The following IMMP2L variants were observed in gnomAD, a reference collection of about 807,000 sequenced individuals.
The protein encoded by IMMP2L is mitochondrial inner membrane protease subunit 2.
In IMMP2L, 18 loss-of-function variants were observed where a neutral mutation model predicts 19.3. The observed-to-expected ratio is 0.93, with a 90% CI of 0.64 to 1.38. The LOEUF is 1.38. IMMP2L is among the 40% of genes most tolerant of loss of function. The probability of loss-of-function intolerance (pLI) is 0.00; values close to 1 mark genes in which losing one functional copy is unlikely to be tolerated. For synonymous variants in IMMP2L, 76 were observed against 73.0 expected (o/e 1.04, Z -0.21); for missense variants, 233 against 218.2 (o/e 1.07, Z -0.43).
chr7:111,295,002 T>C (rs1821475629), intron 3 of IMMP2L, among the ~76,000 whole-genome samples: 1 of 151,840 alleles, frequency 6.6e-6, no homozygotes, highest in Non-Finnish European at 1.5e-5. Flanking sequence ...GCAGCCCTTA[T>C]GACTTGAAAC....
chr7:110,883,673 A>T (rs1809922560), intron 5 of IMMP2L, among the ~76,000 whole-genome samples: 1 of 152,154 alleles, frequency 6.6e-6, no homozygotes, highest in African/African-American at 2.4e-5. Flanking sequence ...TTTGCCTTGA[A>T]ATGTATAAGC....
intron 3 of IMMP2L, among the ~76,000 whole-genome samples, chr7:111,464,896 C>G (rs13246668): frequency 0.016 from 2,467 of 152,218 alleles, 66 homozygotes; most frequent in African/African-American, 0.056. Flanking sequence ...TCACGCCATT[C>G]TCTCGCCTCA....
At position 111,116,728 on chromosome 7, in the gene IMMP2L, T is replaced by C. The variant is rs77174642; in HGVS notation, c.240-153163A>G. On this transcript the variant is annotated intron_variant, in intron 3 of 5. Transcript: ENST00000405709. The stretch of plus-strand genomic sequence containing the variant: ...TTCCTTCCACAATACTCAACTGCCT[T>C]ATAATTTCATCTGAGTGAAACTTTA... Among the ~76,000 whole-genome samples the C allele has an allele frequency of 3.9e-3, 593 of 152,282 alleles. 6 individuals carry two copies. The highest frequency in any genetic ancestry group is 0.014 in the African/African-American group (575 of 41,566).
intron 1 of IMMP2L, among the ~76,000 whole-genome samples, chr7:111,525,575 A>T (rs1309524449): frequency 6.6e-6 from 1 of 152,104 alleles, no homozygotes; most frequent in Non-Finnish European, 1.5e-5. Flanking sequence ...GAGTAGCATG[A>T]TAGTGGAGAT....
intron 3 of IMMP2L, among the ~76,000 whole-genome samples, chr7:111,000,141 GA>G (rs1823508421): frequency 6.6e-6 from 1 of 152,142 alleles, no homozygotes; most frequent in African/African-American, 2.4e-5. Flanking sequence ...TCTGGGAACA[GA>G]AATTGGGGAG....
chr7:111,438,535 T>C (rs1837414989), intron 3 of IMMP2L, among the ~76,000 whole-genome samples: 1 of 151,896 alleles, frequency 6.6e-6, no homozygotes, highest in African/African-American at 2.4e-5. Flanking sequence ...GCTAGAACTG[T>C]TTCCTGGGAA....
intron 3 of IMMP2L, among the ~76,000 whole-genome samples, chr7:111,136,829 C>A (rs1305951319): frequency 6.6e-6 from 1 of 152,142 alleles, no homozygotes; most frequent in African/African-American, 2.4e-5. Context: ...ACTCATTTAA[C>A]CTCTATGAGA....
At chr7:111,264,183 A>G (rs1817603965) in intron 3 of IMMP2L, among the ~76,000 whole-genome samples, 4 of 152,156 alleles carry the variant, frequency 2.6e-5, no homozygotes, top group Admixed American at 2.0e-4. Context: ...ATCAGGGGGA[A>G]AAGTCTCACA....
At chr7:110,745,314 T>C (rs368218813) in intron 5 of IMMP2L, among the ~76,000 whole-genome samples, 3 of 152,186 alleles carry the variant, frequency 2.0e-5, no homozygotes, top group Non-Finnish European at 1.5e-5. Flanking sequence ...TGGAACCAAG[T>C]TGGAAAACAC....
intron 4 of IMMP2L, among the ~76,000 whole-genome samples, chr7:110,949,838 T>C (rs1817613081): frequency 6.6e-6 from 1 of 152,156 alleles, no homozygotes; most frequent in Admixed American, 6.6e-5. Context: ...GTAGATAGCA[T>C]TTGAGTACTT....
intron 3 of IMMP2L, among the ~76,000 whole-genome samples, chr7:111,130,528 T>C (rs1037054857): frequency 3.3e-5 from 5 of 152,146 alleles, no homozygotes; most frequent in Non-Finnish European, 7.4e-5. Context: ...AGTTATTGAT[T>C]CAAAATCCAA....
chr7:111,140,484 T>C (rs1802769603), intron 3 of IMMP2L, among the ~76,000 whole-genome samples: 2 of 152,208 alleles, frequency 1.3e-5, no homozygotes, highest in African/African-American at 2.4e-5. Flanking sequence ...TTCAATGTAA[T>C]AGCTGGGTGC....
At chr7:111,338,149 G>T (rs1826640994) in intron 3 of IMMP2L, among the ~76,000 whole-genome samples, 1 of 152,128 alleles carries the variant, frequency 6.6e-6, no homozygotes, top group Non-Finnish European at 1.5e-5. Context: ...AGAAGAGAAA[G>T]TTCTGCAGTC....
intron 1 of IMMP2L, among the ~76,000 whole-genome samples, chr7:111,544,563 A>G (rs1848752299): frequency 6.6e-6 from 1 of 152,128 alleles, no homozygotes; most frequent in Non-Finnish European, 1.5e-5. Context: ...AACAAGGCCC[A>G]ATGAATTTAT....
At chr7:111,325,945 G>A (rs1378859863) in intron 3 of IMMP2L, among the ~76,000 whole-genome samples, 1 of 151,642 alleles carries the variant, frequency 6.6e-6, no homozygotes, top group East Asian at 1.9e-4. Context: ...AAATTATAAT[G>A]TAGTTTTGCC....
chr7:111,299,622 CAA>C (rs1328953047), intron 3 of IMMP2L, among the ~76,000 whole-genome samples: 2 of 146,354 alleles, frequency 1.4e-5, no homozygotes, highest in African/African-American at 2.5e-5. Context: ...AAAAAGGACA[CAA>C]AGTGGATCTT....
chr7:110,676,617 A>C (rs1317873330), intron 5 of IMMP2L, among the ~76,000 whole-genome samples: 2 of 152,222 alleles, frequency 1.3e-5, no homozygotes, highest in Non-Finnish European at 2.9e-5. Flanking sequence ...CTGGGAATCA[A>C]GGAAATTCCT....
At chr7:110,981,469 T>C (rs996886011) in intron 3 of IMMP2L, among the ~76,000 whole-genome samples, 1 of 151,582 alleles carries the variant, frequency 6.6e-6, no homozygotes, top group African/African-American at 2.4e-5. Flanking sequence ...ATAACTATAC[T>C]CCTGGAGCAT....
chr7:111,518,387 C>T (rs75999753), intron 2 of IMMP2L, among the ~76,000 whole-genome samples: 2,496 of 152,140 alleles, frequency 0.016, 66 homozygotes, highest in African/African-American at 0.057. Context: ...TTTAATCTTT[C>T]GATCCTTGGA....
Sources: gnomAD v4.1 joint callset for allele counts (sites outside exome capture counted in the v4.1 genomes callset) on GRCh38, gnomAD v4.1.1 for gene constraint, MANE v1.5 for transcripts, NCBI Gene and HGNC (gene_info 2026-07-23, HGNC 2026-07-21) for gene names.